Variants in EXD3 observed in about 807,000 individuals in gnomAD.
EXD3 encodes exonuclease 3'-5' domain containing 3.
EXD3 carries 92 observed loss-of-function variants against 98.0 expected under a neutral mutation model. The observed-to-expected ratio is 0.94, with a 90% CI of 0.79 to 1.12. EXD3 has a LOEUF of 1.12. Ranked by LOEUF, EXD3 falls within the 50% of genes most tolerant of loss-of-function variation. The pLI, the probability that EXD3 is intolerant of heterozygous loss-of-function variation, is 0.00. For missense variants in EXD3, 1,222 were observed against 1,191.6 expected (o/e 1.03, Z -0.38); for synonymous variants, 569 against 526.0 (o/e 1.08, Z -1.12).
At chr9:137,399,168 G>A (rs904196333) in intron 1 of EXD3, among the ~76,000 whole-genome samples, 3 of 152,182 alleles carry the variant, frequency 2.0e-5, no homozygotes, top group South Asian at 2.1e-4. Flanking sequence ...TCATGGTAAC[G>A]CCCCTCTACT....
intron 17 of EXD3, among the ~76,000 whole-genome samples, chr9:137,330,075 A>C (rs115879067): frequency 8.5e-6 from 1 of 118,098 alleles, no homozygotes; most frequent in South Asian, 3.0e-4. Context: ...CTACACAGGA[A>C]CTACACAGGA....
rs369468496 is a variant in EXD3, at chr9:137,371,238, C to G, written c.462+1667G>C. Among the ~76,000 whole-genome samples the G allele has an allele frequency of 4.6e-5, 7 of 152,228 alleles. No individual in the cohort carries two copies. The East Asian group carries it at 1.3e-3, about 29-fold the overall frequency. On this transcript the variant is annotated intron_variant, in intron 5 of 21. Transcript: ENST00000340951. This position sits in a 1 kb window ranked among gnomAD's most constrained non-coding sequence, Gnocchi z 8.0. ...TGCCTCCCTGCACTCTCCGCAGGCACGGCCGCCATTCAGCGTCGCGCCACA... is the reference window on the plus strand; with the variant it reads ...TGCCTCCCTGCACTCTCCGCAGGCAGGGCCGCCATTCAGCGTCGCGCCACA...
intron 17 of EXD3, among the ~76,000 whole-genome samples, chr9:137,332,760 C>T (rs551822623): frequency 6.6e-6 from 1 of 152,198 alleles, no homozygotes; most frequent in Non-Finnish European, 1.5e-5. Flanking sequence ...CAGGGGAATC[C>T]CTTGAACCCA....
chr9:137,316,486 C>T (rs1433418889), intron 19 of EXD3, among the ~76,000 whole-genome samples: 2 of 152,082 alleles, frequency 1.3e-5, no homozygotes, highest in Admixed American at 6.5e-5. Flanking sequence ...CCAATGGGGC[C>T]GGTCCCGGCA....
chr9:137,340,889 T>A lies in EXD3; in HGVS notation c.1998+7182A>T, dbSNP rs1285849298. Among the ~76,000 whole-genome samples, 7 of 152,162 alleles carry A rather than the reference T, an allele frequency of 4.6e-5. No homozygotes were observed. The South Asian group carries it at 1.4e-3, about 31-fold the overall frequency. ...CAATGCAGTTCCAAGCAACACTGAA[T>A]TGGTGAGTTGTTTCTAAACCTATAT... On this transcript the variant is annotated intron_variant, in intron 17 of 21. Transcript: ENST00000340951.
At chr9:137,416,743 T>G (rs1377061545) in intron 1 of EXD3, among the ~76,000 whole-genome samples, 1 of 151,936 alleles carries the variant, frequency 6.6e-6, no homozygotes, top group African/African-American at 2.4e-5. Context: ...TGGTTCCCCG[T>G]GACACAAGGA....
At chr9:137,350,811 C>T (rs966515871) in intron 14 of EXD3, among the ~76,000 whole-genome samples, 27 of 152,144 alleles carry the variant, frequency 1.8e-4, no homozygotes, top group Admixed American at 5.9e-4. Flanking sequence ...CAGATAACGG[C>T]CCCACAGGGG....
At chr9:137,368,870 T>TGGGGAGGGGCGAAGGTCC (rs1020500239) in intron 5 of EXD3, among the ~76,000 whole-genome samples, 2 of 119,320 alleles carry the variant, frequency 1.7e-5, no homozygotes, top group Non-Finnish European at 3.5e-5. Flanking sequence ...CTCAGGGCCG[T>TGGGGAGGGGCGAAGGTCC]GGGGAGGGGC....
In EXD3 at chr9:137,395,399, G is replaced by A. The variant is rs758653352; in HGVS notation, c.-42C>T. 1.1e-5 allele frequency: 17 copies of A among 1,612,822 alleles called. No individual in the cohort carries two copies. Among genetic ancestry groups the A allele is most frequent in the South Asian group, 8.8e-5 (8 of 91,060 alleles). On this transcript the variant is annotated 5_prime_UTR_variant, in exon 2 of 22. Transcript: ENST00000340951. This position sits in a 1 kb window ranked among gnomAD's most constrained non-coding sequence, Gnocchi z 6.5. Reference sequence around the variant, plus strand: ...AGGACGCTGGCAGGCAGCTAGGAACGAGGATCTGCAGAAACAGACAATCAG... The same window carrying A: ...AGGACGCTGGCAGGCAGCTAGGAACAAGGATCTGCAGAAACAGACAATCAG...
chr9:137,371,084 G>C lies in EXD3; in HGVS notation c.462+1821C>G, dbSNP rs1835570580. Among the ~76,000 whole-genome samples the C allele has an allele frequency of 6.6e-6, 1 of 152,230 alleles. No individual in the cohort carries two copies. Among genetic ancestry groups the C allele is most frequent in the Non-Finnish European group, 1.5e-5 (1 of 68,036 alleles). On this transcript the variant is annotated intron_variant, in intron 5 of 21. Coordinates refer to ENST00000340951, the MANE Select transcript of EXD3 (RefSeq NM_017820.5). This position sits in a 1 kb window ranked among gnomAD's most constrained non-coding sequence, Gnocchi z 8.0. ...ATGGCTTTCTTCGCAGAAGGGGCCT[G>C]TGCGGGACAAGACCCCCTTTGTGTG...
intron 5 of EXD3, among the ~76,000 whole-genome samples, chr9:137,369,452 G>A (rs952073653): frequency 3.3e-5 from 5 of 152,192 alleles, no homozygotes; most frequent in Admixed American, 6.5e-5. Context: ...TCCTCCTGCC[G>A]CATGTGGTTA....
At chr9:137,408,558 A>AAAAAAAAAAAAAAAAAAAAAAAAAAAAAC in intron 1 of EXD3, among the ~76,000 whole-genome samples, 1 of 147,558 alleles carries the variant, frequency 6.8e-6, no homozygotes, top group African/African-American at 2.5e-5. Context: ...AAAAAAAAAA[A>AAAAAAAAAAAAAAAAAAAAAAAAAAAAAC]AAAAAAAGAG....
intron 17 of EXD3, among the ~76,000 whole-genome samples, chr9:137,329,370 AG>A (rs147522632): frequency 1.2e-3 from 4 of 3,218 alleles, no homozygotes; most frequent in Non-Finnish European, 1.6e-3. Context: ...ACTACACGGG[AG>A]CTACACGGGA....
At chr9:137,387,544 CGAA>C (rs1274720444) in intron 2 of EXD3, among the ~76,000 whole-genome samples, 1 of 152,132 alleles carries the variant, frequency 6.6e-6, no homozygotes, top group East Asian at 1.9e-4. Context: ...TCTGTCTGAA[CGAA>C]GAAGACAAGC....
chr9:137,414,434 G>A (rs1001702379), intron 1 of EXD3, among the ~76,000 whole-genome samples: 8 of 152,170 alleles, frequency 5.3e-5, no homozygotes, highest in African/African-American at 1.7e-4. Flanking sequence ...GCATGTTTCT[G>A]TGTGGAGTGT....
chr9:137,354,970 C>A (rs537539771), intron 8 of EXD3, among the ~76,000 whole-genome samples, 197 bp from the exon 9 acceptor site: 1 of 152,244 alleles, frequency 6.6e-6, no homozygotes, highest in Non-Finnish European at 1.5e-5. Flanking sequence ...GTCCCGCCGG[C>A]CCCGGGGTCT....
Position 137,395,546 on chromosome 9 carries a change from C to A in EXD3, c.-47-142G>T, listed in dbSNP as rs561683617. 2 of 712,762 alleles carry A rather than the reference C, an allele frequency of 2.8e-6. No individual in the cohort carries two copies. The highest frequency in any genetic ancestry group is 2.7e-5 in the Admixed American group (1 of 36,714). 44.2% of individuals were successfully genotyped at this position (712,762 alleles called of 1,614,324 possible). Reference sequence around the variant, plus strand: ...TGGGACCCCCAGTCGCTGAGCATAGCGGGCAGCTCCACACTCCTCTCCCAG... The same window carrying A: ...TGGGACCCCCAGTCGCTGAGCATAGAGGGCAGCTCCACACTCCTCTCCCAG... On this transcript the variant is annotated intron_variant, in intron 1 of 21. Coordinates refer to ENST00000340951, the MANE Select transcript of EXD3 (RefSeq NM_017820.5). The surrounding 1 kb of genome is among the most constrained non-coding windows in gnomAD (Gnocchi z 6.5).
chr9:137,353,302 C>T (rs1410809759), intron 10 of EXD3: 6 of 985,326 alleles, frequency 6.1e-6, no homozygotes, highest in Admixed American at 6.2e-5. Context: ...AAGCCTCTGC[C>T]GGCCCTCCTG....
At position 137,322,677 on chromosome 9, in the gene EXD3, C is replaced by T. The variant is rs184408476; in HGVS notation, c.2184+1048G>A. ...CCCGGACCCCCGAGGGATTTTCTGC[C>T]GACACCCCACCCCGGACCCCCAAGA... is the stretch of plus-strand genomic sequence containing the variant. On this transcript the variant is annotated intron_variant, in intron 19 of 21. Transcript: ENST00000340951. 1.2e-4 allele frequency among the ~76,000 whole-genome samples: 17 copies of T among 138,966 alleles called. No individual in the cohort carries two copies. In the East Asian group the frequency reaches 3.2e-3, roughly 26 times the overall value. 91.2% of individuals were successfully genotyped at this position (138,966 alleles called of 152,430 possible). A position where few individuals can be genotyped will look rare whatever the true frequency, so the allele number is the denominator to read the frequency against.
Sources: gnomAD v4.1 joint callset for allele counts (sites outside exome capture counted in the v4.1 genomes callset) on GRCh38, gnomAD v4.1.1 for gene constraint, Gnocchi (gnomAD v3.1) non-coding constraint, MANE v1.5 for transcripts, NCBI Gene and HGNC (gene_info 2026-07-23, HGNC 2026-07-21) for gene names.